Variants in TUSC3 observed in about 807,000 individuals in gnomAD.
The protein encoded by TUSC3 is dolichyl-diphosphooligosaccharide--protein glycosyltransferase subunit TUSC3.
In TUSC3, 45 loss-of-function variants were observed where a neutral mutation model predicts 44.8. The observed-to-expected ratio is 1.00, with a 90% CI of 0.79 to 1.29. TUSC3 has a LOEUF of 1.29. Ranked by LOEUF, TUSC3 falls within the 50% of genes most tolerant of loss-of-function variation. TUSC3 has a pLI of 0.00. For synonymous variants in TUSC3, 212 were observed against 152.9 expected, an observed-to-expected ratio of 1.39 and a Z score of -2.85; for missense variants, 519 against 437.9, an observed-to-expected ratio of 1.19 and a Z score of -1.65.
At chr8:15,421,992 A>G (rs991407045) in intron 1 of TUSC3, among the ~76,000 whole-genome samples, 2 of 152,240 alleles carry the variant, frequency 1.3e-5, no homozygotes, top group Middle Eastern at 3.4e-3. Context: ...ATCATAATGT[A>G]CTAATTATAC....
intron 2 of TUSC3, among the ~76,000 whole-genome samples, chr8:15,647,465 C>T (rs915938466): frequency 3.3e-5 from 5 of 151,998 alleles, no homozygotes; most frequent in African/African-American, 9.7e-5. Flanking sequence ...CTAGCTGTTT[C>T]TGATTTTAAT....
chr8:15,467,793 C>G (rs1800433071), intron 1 of TUSC3, among the ~76,000 whole-genome samples: 1 of 152,088 alleles, frequency 6.6e-6, no homozygotes, highest in South Asian at 2.1e-4. Flanking sequence ...TTATTTATCT[C>G]TCTGCTTTTA....
the TUSC3 span, among the ~76,000 whole-genome samples, chr8:15,795,829 G>T: frequency 6.6e-6 from 1 of 152,166 alleles, no homozygotes; most frequent in Non-Finnish European, 1.5e-5. Flanking sequence ...CCTTATTTTG[G>T]AGGGACTGCA....
the TUSC3 span, among the ~76,000 whole-genome samples, chr8:15,812,502 A>G: frequency 2.6e-5 from 4 of 152,198 alleles, no homozygotes; most frequent in Non-Finnish European, 4.4e-5. Context: ...CTGTAAAAAT[A>G]TGGCCGTGGT....
intron 2 of TUSC3, among the ~76,000 whole-genome samples, chr8:15,638,969 C>G (rs573864400): frequency 1.1e-4 from 14 of 126,256 alleles, no homozygotes; most frequent in Non-Finnish European, 1.4e-4. Context: ...GATCATGTGT[C>G]GATGCTAGAT....
At chr8:15,732,589 A>T (rs942234963) in intron 7 of TUSC3, among the ~76,000 whole-genome samples, 2 of 152,198 alleles carry the variant, frequency 1.3e-5, no homozygotes, top group Non-Finnish European at 2.9e-5. Flanking sequence ...TCTTCTAATA[A>T]AATTTATCAA....
At chr8:15,605,622 GAA>G (rs1361488431) in intron 1 of TUSC3, among the ~76,000 whole-genome samples, 1 of 151,604 alleles carries the variant, frequency 6.6e-6, no homozygotes, top group East Asian at 1.9e-4. Flanking sequence ...AAAAAATGGA[GAA>G]AAAAGTCTGT....
intron 1 of TUSC3, among the ~76,000 whole-genome samples, chr8:15,585,185 G>A (rs28533931): frequency 0.1 from 15,386 of 152,174 alleles, 788 homozygotes; most frequent in Middle Eastern, 0.14. Flanking sequence ...GAATAGAGTG[G>A]CATTAGGAAT....
At chr8:15,543,111 C>G (rs909868866) in intron 1 of TUSC3, among the ~76,000 whole-genome samples, 2 of 152,020 alleles carry the variant, frequency 1.3e-5, no homozygotes, top group Non-Finnish European at 2.9e-5. Context: ...TAGTGATAGC[C>G]CAGGGTTATT....
chr8:15,662,171 C>G lies in TUSC3; in HGVS notation c.583C>G (p.Pro195Ala), dbSNP rs750113321. 1 of 1,612,650 alleles carries G rather than the reference C, an allele frequency of 6.2e-7. No individual in the cohort carries two copies. Among genetic ancestry groups the G allele is most frequent in the Admixed American group, 1.7e-5 (1 of 59,882 alleles). Residue 195 changes from proline (P) to alanine (A), a missense_variant, in exon 5 of 11, where the codon CCA (proline) becomes GCA (alanine). Pro to Ala is a conservative substitution (Grantham distance 27, BLOSUM62 -1). Transcript: ENST00000503731. ...RTDVHIRVFR[P>A]PNYSGTIALA... ...ATTTTTGCAGATTCGGGTTTTCAGA[C>G]CACCCAACTACTCTGGTACCATTGC...
intron 1 of TUSC3, among the ~76,000 whole-genome samples, chr8:15,542,144 C>G (rs894194682): frequency 6.6e-6 from 1 of 151,662 alleles, no homozygotes; most frequent in Non-Finnish European, 1.5e-5. Context: ...CATGTAAGGT[C>G]TACATTGGTT....
rs917393856 is a variant in TUSC3, at chr8:15,658,192, G to A, written c.427-1315G>A. 2.0e-5 allele frequency among the ~76,000 whole-genome samples: 3 copies of A among 152,170 alleles called. No individual in the cohort carries two copies. In the South Asian group the frequency reaches 6.2e-4, roughly 31 times the overall value. ...GTAGTGTTTGAAGAGCACTAATGTA[G>A]ATAACATGGAGGTAAATAATGGAAA... On this transcript the variant is annotated intron_variant, in intron 3 of 10. Transcript: ENST00000503731.
intron 2 of TUSC3, among the ~76,000 whole-genome samples, chr8:15,503,719 T>C (rs1400011783): frequency 2.6e-5 from 4 of 151,416 alleles, no homozygotes; most frequent in Non-Finnish European, 5.9e-5. Flanking sequence ...CAAAAAAATA[T>C]CGGCCAGCCA....
chr8:15,514,080 C>T (rs1374156880), intron 2 of TUSC3, among the ~76,000 whole-genome samples: 2 of 152,148 alleles, frequency 1.3e-5, no homozygotes, highest in African/African-American at 4.8e-5. Context: ...GCCACCACTT[C>T]CCAAATATGC....
intron 1 of TUSC3, among the ~76,000 whole-genome samples, chr8:15,575,267 C>T (rs1004680648): frequency 6.6e-6 from 1 of 152,042 alleles, no homozygotes; most frequent in Non-Finnish European, 1.5e-5. Flanking sequence ...AGGACTAAGA[C>T]TGCTTTGTCA....
At chr8:15,828,610 T>A in the TUSC3 span, among the ~76,000 whole-genome samples, 5 of 152,244 alleles carry the variant, frequency 3.3e-5, no homozygotes, top group Non-Finnish European at 7.3e-5. Context: ...ATCTATTGCT[T>A]TTGGATCAAG....
intron 9 of TUSC3, among the ~76,000 whole-genome samples, chr8:15,751,141 G>C (rs1811682969): frequency 6.6e-6 from 1 of 152,098 alleles, no homozygotes; most frequent in Non-Finnish European, 1.5e-5. Flanking sequence ...AATAGAGTTT[G>C]GGTTGCTCTG....
chr8:15,830,286 C>T, the TUSC3 span, among the ~76,000 whole-genome samples: 1 of 152,080 alleles, frequency 6.6e-6, no homozygotes, highest in African/African-American at 2.4e-5. Flanking sequence ...CACATAATCT[C>T]TTTAAGTCTC....
At chr8:15,703,538 T>C (rs1809491725) in intron 6 of TUSC3, among the ~76,000 whole-genome samples, 1 of 152,116 alleles carries the variant, frequency 6.6e-6, no homozygotes, top group Non-Finnish European at 1.5e-5. Flanking sequence ...GACTAGGTGA[T>C]TTATAAAGAA....
Sources: allele counts gnomAD v4.1 joint callset (sites outside exome capture counted in the v4.1 genomes callset), GRCh38; gene constraint gnomAD v4.1.1; transcripts MANE v1.5; gene names NCBI Gene and HGNC (gene_info 2026-07-23, HGNC 2026-07-21).